The following ARID1B variants were observed in gnomAD, a reference collection of about 807,000 sequenced individuals.
ARID1B encodes AT-rich interaction domain 1B, also known as AT-rich interactive domain-containing protein 1B.
In ARID1B, 30 loss-of-function variants were observed where a neutral mutation model predicts 212.3. That is an observed-to-expected ratio of 0.14 (90% CI 0.11 to 0.19). The LOEUF (loss-of-function observed/expected upper bound fraction) is 0.19, where lower values mean the gene tolerates loss of function less well. Ranked by LOEUF, ARID1B falls within the 10% of genes least tolerant of loss-of-function variation. The pLI is 1.00. For synonymous variants in ARID1B, 1,402 were observed against 1,301.7 expected, an observed-to-expected ratio of 1.08 and a Z score of -1.66; for missense variants, 2,891 against 3,204.0, an observed-to-expected ratio of 0.90 and a Z score of 2.36.
chr6:156,910,103 G>A (rs775015443), intron 3 of ARID1B, among the ~76,000 whole-genome samples: 2 of 152,194 alleles, frequency 1.3e-5, no homozygotes, highest in South Asian at 2.1e-4. Flanking sequence ...GATGCTGTGC[G>A]TTTATTGTAT....
chr6:156,801,809 C>A (rs1780812096), intron 1 of ARID1B, among the ~76,000 whole-genome samples: 1 of 151,596 alleles, frequency 6.6e-6, no homozygotes, highest in African/African-American at 2.4e-5. Context: ...TTTTTTCTTC[C>A]ACGATGTTTG....
chr6:156,979,833 G>A (rs1343254377), intron 4 of ARID1B, among the ~76,000 whole-genome samples: 2 of 152,252 alleles, frequency 1.3e-5, no homozygotes, highest in Non-Finnish European at 2.9e-5. Flanking sequence ...TGGGATTACA[G>A]GCATGGGCCA....
chr6:157,145,267 G>C (rs181463702), intron 7 of ARID1B, among the ~76,000 whole-genome samples: 1 of 152,124 alleles, frequency 6.6e-6, no homozygotes, highest in Non-Finnish European at 1.5e-5. Flanking sequence ...ATTGTGGCCC[G>C]CTCTGGCCCA....
intron 4 of ARID1B, among the ~76,000 whole-genome samples, chr6:156,978,844 C>A (rs1403806294): frequency 6.6e-6 from 1 of 152,192 alleles, no homozygotes; most frequent in African/African-American, 2.4e-5. Context: ...GCCACATACT[C>A]TTTTAGCCTT....
intron 1 of ARID1B, among the ~76,000 whole-genome samples, chr6:156,820,470 T>C (rs1313903225): frequency 6.6e-6 from 1 of 152,180 alleles, no homozygotes; most frequent in African/African-American, 2.4e-5. Context: ...GACAGGAAAA[T>C]ATGTAGATTA....
In ARID1B at chr6:156,897,255, C is replaced by CTTATTATTATTA. The variant is rs1367763317; in HGVS notation, c.1987-4119_1987-4118insATTATTATTATT. 3.3e-3 allele frequency among the ~76,000 whole-genome samples: 295 copies of CTTATTATTATTA among 90,078 alleles called. 2 individuals are homozygous for CTTATTATTATTA. The highest frequency in any genetic ancestry group is 0.015 in the Admixed American group (117 of 7,748). 59.1% of individuals were successfully genotyped at this position (90,078 alleles called of 152,430 possible). On this transcript the variant is annotated intron_variant, in intron 2 of 19. Coordinates refer to ENST00000636930, the MANE Select transcript of ARID1B (RefSeq NM_001374828.1). ...TCTTCTTCTTCTTCTTCTTCTTCTT[C>CTTATTATTATTA]TTCTTCTTCTTATTATTATTATTAT...
intron 13 of ARID1B, chr6:157,186,459 C>T (rs147257651): frequency 7.0e-5 from 33 of 471,162 alleles, no homozygotes; most frequent in Non-Finnish European, 1.4e-4. Flanking sequence ...CAGGCACACA[C>T]AGGCGTCTGG....
intron 4 of ARID1B, among the ~76,000 whole-genome samples, chr6:157,014,850 A>T (rs1211033749): frequency 6.6e-6 from 1 of 151,576 alleles, no homozygotes. Flanking sequence ...TATGTATACT[A>T]AATACTGTAC....
chr6:157,031,782 G>A (rs1781028012), intron 4 of ARID1B, among the ~76,000 whole-genome samples: 1 of 151,896 alleles, frequency 6.6e-6, no homozygotes, highest in African/African-American at 2.4e-5. Flanking sequence ...TATATTAAAA[G>A]AAAACAAATG....
chr6:156,908,856 T>C (rs1328594895), intron 3 of ARID1B, among the ~76,000 whole-genome samples: 1 of 152,156 alleles, frequency 6.6e-6, no homozygotes, highest in Non-Finnish European at 1.5e-5. Flanking sequence ...ACCAGTTATC[T>C]TGAACAATGT....
At position 156,778,471 on chromosome 6, in the gene ARID1B, A is replaced by G. The variant is rs1353189184; in HGVS notation, c.791A>G (p.Lys264Arg). The stretch of plus-strand genomic sequence containing the variant: ...CCCCCGGGCCCGCCGCTGCTGAGCA[A>G]GCCGGGCGACGAGGACGACGCGCCG... The part of the protein sequence containing the change: ...ADPPGPPLLS[K>R]PGDEDDAPPK... The change falls in exon 1 of 20, where the codon AAG (lysine) becomes AGG (arginine). Residue 264 changes from lysine (K) to arginine (R), a missense_variant. By Grantham distance (26) the Lys-to-Arg change is conservative. Transcript: ENST00000636930. 4 of 1,311,552 alleles carry G rather than the reference A, an allele frequency of 3.0e-6. No individual in the cohort carries two copies. The South Asian group carries it at 9.1e-5, about 30-fold the overall frequency. The allele number at this position is 1,311,552 out of a possible 1,614,324, so 81.2% of individuals were successfully genotyped here.
intron 2 of ARID1B, among the ~76,000 whole-genome samples, chr6:156,836,158 C>A (rs749155357): frequency 6.6e-6 from 1 of 152,094 alleles, no homozygotes; most frequent in South Asian, 2.1e-4. Flanking sequence ...TGAACAACAA[C>A]GGAAATCCCA....
At position 157,100,366 on chromosome 6, in the gene ARID1B, G is replaced by A; in HGVS notation, c.2492-10106G>A. On this transcript the variant is annotated intron_variant, in intron 5 of 19. Transcript: ENST00000636930. ...TATAAGTTCACACCCACGCACTTCA[G>A]ATAAACTGTTAACCGGAACCACTAA... Among the ~76,000 whole-genome samples, 5 of 152,342 alleles carry A rather than the reference G, an allele frequency of 3.3e-5. No homozygotes were observed. The Middle Eastern group carries it at 0.017, about 518-fold the overall frequency.
chr6:156,923,028 A>G (rs1306818081), intron 3 of ARID1B, among the ~76,000 whole-genome samples: 2 of 152,220 alleles, frequency 1.3e-5, no homozygotes, highest in African/African-American at 4.8e-5. Context: ...GTGAGATGCC[A>G]GTGCAGGGCC....
At chr6:156,976,936 T>C in intron 4 of ARID1B, 1 of 552,172 alleles carries the variant, frequency 1.8e-6, no homozygotes, top group South Asian at 1.4e-5. Context: ...CTCAAAGATC[T>C]AGAAAAATGG....
intron 12 of ARID1B, 45 bp downstream of exon 12, chr6:157,181,223 T>A (rs1476107165): frequency 6.3e-7 from 1 of 1,599,694 alleles, no homozygotes; most frequent in Non-Finnish European, 8.6e-7. Context: ...GCATTGTGGA[T>A]AAGTTCTTAC....
At chr6:156,834,412 A>G (rs1243538481) in intron 2 of ARID1B, among the ~76,000 whole-genome samples, 4 of 152,176 alleles carry the variant, frequency 2.6e-5, no homozygotes, top group Non-Finnish European at 4.4e-5. Flanking sequence ...TTGAGTCTCT[A>G]TATTTACTTA....
intron 7 of ARID1B, among the ~76,000 whole-genome samples, chr6:157,135,033 GGAA>G (rs1280713039): frequency 3.3e-5 from 5 of 151,510 alleles, no homozygotes; most frequent in Admixed American, 1.3e-4. Flanking sequence ...GAACAACTAA[GGAA>G]GAACTTTTGC....
At chr6:156,831,710 A>G (rs565042490) in intron 2 of ARID1B, among the ~76,000 whole-genome samples, 5 of 152,340 alleles carry the variant, frequency 3.3e-5, no homozygotes, top group African/African-American at 9.6e-5. Flanking sequence ...TTTAAATCCA[A>G]TGACTCTTAG....
Sources: gnomAD v4.1 joint callset for allele counts (sites outside exome capture counted in the v4.1 genomes callset) on GRCh38, gnomAD v4.1.1 for gene constraint, MANE v1.5 for transcripts, NCBI Gene and HGNC (gene_info 2026-07-23, HGNC 2026-07-21) for gene names.